The following PCDHGB1 variants were observed in gnomAD, a reference collection of about 807,000 sequenced individuals.
PCDHGB1 encodes the protein protocadherin gamma-B1.
In PCDHGB1, 34 loss-of-function variants were observed where a neutral mutation model predicts 56.6. The ratio of observed to expected loss-of-function variants is 0.60; its 90% CI spans 0.46 to 0.80. The LOEUF (loss-of-function observed/expected upper bound fraction) is 0.80, where lower values mean the gene tolerates loss of function less well. Among genes scored for constraint, PCDHGB1 ranks in the 30% least tolerant of loss-of-function variants. PCDHGB1 has a pLI of 0.00. For missense variants in PCDHGB1, 1,278 were observed against 1,204.6 expected, an observed-to-expected ratio of 1.06 and a Z score of -0.90; for synonymous variants, 561 against 505.9, an observed-to-expected ratio of 1.11 and a Z score of -1.46.
chr5:141,371,469 G>T, intron 1 of PCDHGB1: 1 of 1,613,990 alleles, frequency 6.2e-7, no homozygotes, highest in Non-Finnish European at 8.5e-7. Flanking sequence ...TATACAAGAA[G>T]ATGCTGAGCT....
At chr5:141,415,198 G>T in intron 1 of PCDHGB1, 2 of 1,614,038 alleles carry the variant, frequency 1.2e-6, no homozygotes, top group Non-Finnish European at 1.7e-6. Context: ...CATCCCCCAA[G>T]TCCTGGCGGA....
chr5:141,505,633 A>C, intron 3 of PCDHGB1, 152 bp downstream of exon 3: 3 of 1,471,286 alleles, frequency 2.0e-6, no homozygotes, highest in South Asian at 1.3e-5. Context: ...TCCAAACATA[A>C]AGCCTGGAAT....
At chr5:141,399,851 C>T (rs971471583) in intron 1 of PCDHGB1, 3 of 1,612,950 alleles carry the variant, frequency 1.9e-6, no homozygotes, top group Non-Finnish European at 2.5e-6. Flanking sequence ...GATATGGTGC[C>T]GCGCGCTGCA....
intron 1 of PCDHGB1, chr5:141,374,263 G>A: frequency 6.2e-7 from 1 of 1,614,016 alleles, no homozygotes; most frequent in Non-Finnish European, 8.5e-7. Flanking sequence ...AGGAGTTGGC[G>A]GAGCACGGAG....
In PCDHGB1 at chr5:141,431,827, TC is replaced by T. The variant is rs571306928; in HGVS notation, c.2410-62977del. 1.2e-3 allele frequency: 2,007 copies of T among 1,614,226 alleles called. No individual in the cohort carries two copies. The highest frequency in any genetic ancestry group is 1.5e-3 in the Non-Finnish European group (1,827 of 1,180,024). On this transcript the variant is annotated intron_variant, in intron 1 of 3. Coordinates refer to ENST00000523390, the MANE Select transcript of PCDHGB1 (RefSeq NM_018922.3). This position sits in a 1 kb window ranked among gnomAD's most constrained non-coding sequence, Gnocchi z 4.8. ...TCCTCACCTCTCTCGCCAGCTCGGT[TC>T]CCGAAAACTCTCCCAGAGGGACATT...
chr5:141,415,815 A>G, intron 1 of PCDHGB1: 1 of 1,337,656 alleles, frequency 7.5e-7, no homozygotes, highest in East Asian at 2.7e-5. Context: ...AGGCCTATAT[A>G]TCATAAGGCT....
At chr5:141,463,847 G>T (rs922334975) in intron 1 of PCDHGB1, among the ~76,000 whole-genome samples, 9 of 152,158 alleles carry the variant, frequency 5.9e-5, no homozygotes, top group African/African-American at 2.2e-4. Context: ...TGTTATAGTG[G>T]TATATCTGGT....
chr5:141,413,288 C>T (rs2095623576), intron 1 of PCDHGB1: 2 of 1,613,950 alleles, frequency 1.2e-6, no homozygotes, highest in East Asian at 4.5e-5. Flanking sequence ...ATCTCCTACT[C>T]AATTCCTGAG....
chr5:141,404,142 C>CAGA (rs781433913), intron 1 of PCDHGB1: 9 of 1,612,668 alleles, frequency 5.6e-6, no homozygotes, highest in Non-Finnish European at 6.8e-6. Flanking sequence ...TTAGAAAATT[C>CAGA]AGAAGAAGAT....
rs1758530923 is a variant in PCDHGB1 at position 141,350,653 on chromosome 5, T to C, written c.393T>C (p.Val131=). 8.1e-6 allele frequency: 13 copies of C among 1,614,034 alleles called. No individual in the cohort carries two copies. Among genetic ancestry groups the C allele is most frequent in the Non-Finnish European group, 1.1e-5 (13 of 1,179,890 alleles). ...QDINDNAPRF[V]AKGIDLEICE... ...TTAATGACAATGCACCACGTTTCGT[T>C]GCAAAAGGCATTGACTTAGAAATTT... is the stretch of plus-strand genomic sequence containing the variant. Residue 131 remains valine, a synonymous_variant, in exon 1 of 4, where the codon GTT becomes GTC. Transcript: ENST00000523390.
In PCDHGB1 at chr5:141,489,198, C is replaced by G; in HGVS notation, c.2410-5609C>G. 1 of 1,392,402 alleles carries G rather than the reference C, an allele frequency of 7.2e-7. No individual in the cohort carries two copies. Among genetic ancestry groups the G allele is most frequent in the South Asian group, 1.4e-5 (1 of 71,348 alleles). The allele number at this position is 1,392,402 out of a possible 1,614,324, so 86.3% of individuals were successfully genotyped here. A position where few individuals can be genotyped will look rare whatever the true frequency, so the allele number is the denominator to read the frequency against. On this transcript the variant is annotated intron_variant, in intron 1 of 3. Coordinates refer to ENST00000523390, the MANE Select transcript of PCDHGB1 (RefSeq NM_018922.3). This position sits in a 1 kb window ranked among gnomAD's most constrained non-coding sequence, Gnocchi z 4.5. ...CCAAGCCCTGGGTCTACCTTGGAGA[C>G]AGGACAGCACAGACTTACTCTCCAC...
At chr5:141,444,152 ATTTTTTTTTTTTTTTTTTT>A (rs747671382) in intron 1 of PCDHGB1, among the ~76,000 whole-genome samples, 14 of 33,898 alleles carry the variant, frequency 4.1e-4, no homozygotes, top group South Asian at 3.1e-3. Flanking sequence ...TGTGTACTGG[ATTTTTTTTTTTTTTTTTTT>A]TTTTTTTTTT....
chr5:141,366,069 G>T (rs544928184), intron 1 of PCDHGB1: 12 of 1,614,216 alleles, frequency 7.4e-6, no homozygotes, highest in African/African-American at 2.7e-5. Context: ...CTGGCGCCTC[G>T]CTCCGCAGAA....
intron 1 of PCDHGB1, chr5:141,418,548 T>C: frequency 6.2e-7 from 1 of 1,613,964 alleles, no homozygotes; most frequent in Non-Finnish European, 8.5e-7. Flanking sequence ...CAGATAAGAA[T>C]CCTGGTAATA....
In PCDHGB1 at chr5:141,432,009, G is replaced by A. The variant is rs1227754190; in HGVS notation, c.2410-62798G>A. ...GTCTTGGATAGGGAACAGGTTCCTA[G>A]CTACAACATCACAGTGACCGCCACT... On this transcript the variant is annotated intron_variant, in intron 1 of 3. Coordinates refer to ENST00000523390, the MANE Select transcript of PCDHGB1 (RefSeq NM_018922.3). The surrounding 1 kb of genome is among the most constrained non-coding windows in gnomAD (Gnocchi z 6.0). The A allele has an allele frequency of 1.2e-6, 2 of 1,614,188 alleles. No homozygotes were observed. The highest frequency in any genetic ancestry group is 1.7e-6 in the Non-Finnish European group (2 of 1,180,024).
At chr5:141,413,406 G>A (rs2095636376) in intron 1 of PCDHGB1, 1 of 1,613,950 alleles carries the variant, frequency 6.2e-7, no homozygotes, top group Non-Finnish European at 8.5e-7. Context: ...GTAGGACGCA[G>A]CTTTTCTCTC....
chr5:141,491,895 A>C lies in PCDHGB1; in HGVS notation c.2410-2912A>C. 1.4e-6 allele frequency: 2 copies of C among 1,434,306 alleles called. No individual in the cohort carries two copies. The highest frequency in any genetic ancestry group is 1.8e-6 in the Non-Finnish European group (2 of 1,084,904). 88.8% of individuals were successfully genotyped at this position (1,434,306 alleles called of 1,614,324 possible). Reference sequence around the variant, plus strand: ...CCGATTAAGGGATGGGGCTCCGAGCACCGGGGGTGGTGGCGACTGTGGGCG... The same window carrying C: ...CCGATTAAGGGATGGGGCTCCGAGCCCCGGGGGTGGTGGCGACTGTGGGCG... On this transcript the variant is annotated intron_variant, in intron 1 of 3. Transcript: ENST00000523390. The surrounding 1 kb of genome is among the most constrained non-coding windows in gnomAD (Gnocchi z 6.9).
At chr5:141,373,070 A>G (rs1217511247) in intron 1 of PCDHGB1, among the ~76,000 whole-genome samples, 2 of 152,206 alleles carry the variant, frequency 1.3e-5, no homozygotes, top group Non-Finnish European at 2.9e-5. Context: ...AACATTTTTA[A>G]TACAGTATTA....
At chr5:141,435,271 T>C (rs1242477213) in intron 1 of PCDHGB1, among the ~76,000 whole-genome samples, 1 of 152,216 alleles carries the variant, frequency 6.6e-6, no homozygotes, top group African/African-American at 2.4e-5. Context: ...CCATTTATAC[T>C]TTCTCAGTAT....
Sources: allele counts gnomAD v4.1 joint callset (sites outside exome capture counted in the v4.1 genomes callset), GRCh38; gene constraint gnomAD v4.1.1; non-coding constraint Gnocchi (gnomAD v3.1); transcripts MANE v1.5; gene names NCBI Gene and HGNC (gene_info 2026-07-23, HGNC 2026-07-21).